Variants in BRAF observed in about 807,000 individuals in gnomAD.
BRAF encodes the protein B-Raf proto-oncogene, serine/threonine kinase, also known as serine/threonine-protein kinase B-raf.
Under a neutral mutation model 104.6 loss-of-function variants are expected in BRAF, and 16 were observed. The ratio of observed to expected loss-of-function variants is 0.15; its 90% confidence interval spans 0.10 to 0.23. BRAF has a LOEUF of 0.23. BRAF is among the 10% of genes least tolerant of loss of function. The pLI is 1.00. For missense variants in BRAF, 541 were observed against 937.3 expected (o/e 0.58, Z 5.52); for synonymous variants, 310 against 341.6 (o/e 0.91, Z 1.02).
intron 2 of BRAF, chr7:140,836,321 A>G (rs558633041): frequency 6.6e-6 from 1 of 152,334 alleles, no homozygotes; most frequent in East Asian, 1.9e-4. Flanking sequence ...TGAAAAGGTG[A>G]AAGGGAATAG....
intron 1 of BRAF, among the ~76,000 whole-genome samples, chr7:140,873,611 G>A (rs1279613747): frequency 6.6e-6 from 1 of 152,176 alleles, no homozygotes; most frequent in Non-Finnish European, 1.5e-5. Flanking sequence ...GTGAATTTAA[G>A]TGATAACCTC....
intron 5 of BRAF, among the ~76,000 whole-genome samples, chr7:140,803,852 G>A (rs980754204): frequency 2.6e-5 from 4 of 152,094 alleles, no homozygotes; most frequent in African/African-American, 7.2e-5. Flanking sequence ...TCAGAGTGGC[G>A]AGAGCATGGG....
At chr7:140,755,489 A>G (rs781106301) in intron 14 of BRAF, among the ~76,000 whole-genome samples, 1 of 152,202 alleles carries the variant, frequency 6.6e-6, no homozygotes, top group Admixed American at 6.5e-5. Flanking sequence ...CAAAAATTTT[A>G]AAGTATTTTC....
At chr7:140,740,058 T>C in intron 17 of BRAF, 112 bp from the exon 17 acceptor site, 2 of 1,154,862 alleles carry the variant, frequency 1.7e-6, no homozygotes, top group Non-Finnish European at 2.4e-6. Context: ...ACGATGTATG[T>C]ATTACACCTC....
intron 2 of BRAF, among the ~76,000 whole-genome samples, chr7:140,840,475 T>C (rs929158562): frequency 2.0e-5 from 3 of 152,048 alleles, no homozygotes; most frequent in Admixed American, 6.5e-5. Flanking sequence ...TTGCAAGTCA[T>C]GGATCTACTA....
intron 17 of BRAF, 42 bp from the exon 17 acceptor site, chr7:140,739,988 T>G (rs1796775270): frequency 1.3e-6 from 2 of 1,591,228 alleles, no homozygotes; most frequent in African/African-American, 2.7e-5. Flanking sequence ...ACCTTGTAGA[T>G]AAGTTGAAAA....
intron 14 of BRAF, among the ~76,000 whole-genome samples, chr7:140,763,148 C>T (rs985985818): frequency 1.4e-4 from 21 of 152,220 alleles, no homozygotes; most frequent in African/African-American, 3.1e-4. Flanking sequence ...GGGTGGTGGC[C>T]GGGCAGAGGG....
At chr7:140,804,163 G>C (rs548521604) in intron 5 of BRAF, among the ~76,000 whole-genome samples, 1 of 151,868 alleles carries the variant, frequency 6.6e-6, no homozygotes, top group Non-Finnish European at 1.5e-5. Flanking sequence ...TTACAGACAT[G>C]AGCCACCACA....
intron 14 of BRAF, among the ~76,000 whole-genome samples, chr7:140,761,545 C>A (rs952050475): frequency 6.6e-6 from 1 of 151,844 alleles, no homozygotes; most frequent in African/African-American, 2.4e-5. Flanking sequence ...ACAATATTAA[C>A]TTTAAACGTA....
intron 1 of BRAF, among the ~76,000 whole-genome samples, chr7:140,885,869 A>G (rs1354304272): frequency 6.6e-6 from 1 of 152,218 alleles, no homozygotes; most frequent in Non-Finnish European, 1.5e-5. Context: ...ATGTGGGAGT[A>G]AGAGTATTCC....
chr7:140,913,983 A>C (rs1356474004), intron 1 of BRAF, among the ~76,000 whole-genome samples: 7 of 152,264 alleles, frequency 4.6e-5, no homozygotes, highest in Admixed American at 3.9e-4. Context: ...GTTAACACTG[A>C]AACAGTTCTA....
intron 1 of BRAF, among the ~76,000 whole-genome samples, chr7:140,895,754 G>C (rs1814810248): frequency 6.6e-6 from 1 of 152,154 alleles, no homozygotes; most frequent in African/African-American, 2.4e-5. Flanking sequence ...GCAAATGACA[G>C]GATTTTTCCT....
At chr7:140,887,705 A>T (rs1198889236) in intron 1 of BRAF, among the ~76,000 whole-genome samples, 1 of 152,044 alleles carries the variant, frequency 6.6e-6, no homozygotes, top group Non-Finnish European at 1.5e-5. Flanking sequence ...AACTTAGAAA[A>T]AGTCAGCATT....
Position 140,774,110 on chromosome 7 carries a change from AAG to A in BRAF, c.1814+2800_1814+2801del, listed in dbSNP as rs201108609. Among the ~76,000 whole-genome samples, 394 of 152,356 alleles carry A rather than the reference AAG, an allele frequency of 2.6e-3. 3 individuals carry two copies. The highest frequency in any genetic ancestry group is 0.02 in the Admixed American group (299 of 15,308). On this transcript the variant is annotated intron_variant, in intron 14 of 19. Transcript: ENST00000644969. ...TTATGATCTTACAAGACAAAACAAA[AAG>A]AGAAAAGAAACTATATCCTCCTTGG...
chr7:140,797,898 C>T (rs988835729), intron 7 of BRAF, among the ~76,000 whole-genome samples: 3 of 152,120 alleles, frequency 2.0e-5, no homozygotes, highest in African/African-American at 7.2e-5. Context: ...CAGCTGCACA[C>T]AAGTAGTGAT....
chr7:140,900,172 T>C (rs1228822993), intron 1 of BRAF, among the ~76,000 whole-genome samples: 2 of 152,260 alleles, frequency 1.3e-5, no homozygotes, highest in Non-Finnish European at 2.9e-5. Context: ...AATAGATAAC[T>C]AATAGTGTGT....
chr7:140,839,703 C>T (rs1013425576), intron 2 of BRAF, among the ~76,000 whole-genome samples: 3 of 152,218 alleles, frequency 2.0e-5, no homozygotes, highest in Admixed American at 6.5e-5. Flanking sequence ...ACACTCCAAC[C>T]TGAGTGACAG....
At chr7:140,750,510 AGAT>A (rs1448999329) in intron 16 of BRAF, among the ~76,000 whole-genome samples, 3 of 152,238 alleles carry the variant, frequency 2.0e-5, no homozygotes, top group Admixed American at 2.0e-4. Context: ...AAAGCTCCAC[AGAT>A]GATTCTAGTG....
At chr7:140,767,457 C>G (rs556604067) in intron 14 of BRAF, among the ~76,000 whole-genome samples, 19 of 152,210 alleles carry the variant, frequency 1.2e-4, no homozygotes, top group Admixed American at 1.2e-3. Context: ...AGTGATAAGG[C>G]AGAAGAACCT....
Sources: allele counts gnomAD v4.1 joint callset (sites outside exome capture counted in the v4.1 genomes callset), GRCh38; gene constraint gnomAD v4.1.1; transcripts MANE v1.5; gene names NCBI Gene and HGNC (gene_info 2026-07-23, HGNC 2026-07-21).